Variants in PTPRD observed in about 807,000 individuals in gnomAD.
PTPRD encodes protein tyrosine phosphatase receptor type D, also known as receptor-type tyrosine-protein phosphatase delta.
Under a neutral mutation model 214.5 loss-of-function variants are expected in PTPRD, and 34 were observed. That is an observed-to-expected ratio of 0.16 (90% CI 0.12 to 0.21). The LOEUF (loss-of-function observed/expected upper bound fraction) is 0.21. Ranked by LOEUF, PTPRD falls within the 10% of genes least tolerant of loss-of-function variation. PTPRD has a pLI of 1.00. For missense variants in PTPRD, 2,545 were observed against 2,398.7 expected (o/e 1.06, Z -1.27); for synonymous variants, 1,128 against 845.7 (o/e 1.33, Z -5.79).
At chr9:9,324,734 G>A (rs909771881) in intron 9 of PTPRD, among the ~76,000 whole-genome samples, 1 of 152,074 alleles carries the variant, frequency 6.6e-6, no homozygotes, top group Non-Finnish European at 1.5e-5. Context: ...TGTTGCCATT[G>A]CTTTTGGTGT....
At chr9:10,347,362 T>A (rs954876361) in intron 2 of PTPRD, among the ~76,000 whole-genome samples, 3 of 152,164 alleles carry the variant, frequency 2.0e-5, no homozygotes, top group Non-Finnish European at 4.4e-5. Context: ...ACTAGCATAC[T>A]TTGTATGATT....
intron 2 of PTPRD, among the ~76,000 whole-genome samples, chr9:10,486,637 T>C (rs1373878227): frequency 6.6e-6 from 1 of 152,200 alleles, no homozygotes; most frequent in Non-Finnish European, 1.5e-5. Flanking sequence ...TTTTACTGAT[T>C]TCTAGTTTTA....
intron 2 of PTPRD, among the ~76,000 whole-genome samples, chr9:10,487,603 G>C (rs780332251): frequency 2.6e-5 from 4 of 151,950 alleles, no homozygotes; most frequent in Admixed American, 6.6e-5. Context: ...GACACAGGAA[G>C]AGAAGACCAA....
At chr9:9,689,388 A>G (rs1305967726) in intron 7 of PTPRD, among the ~76,000 whole-genome samples, 1 of 151,934 alleles carries the variant, frequency 6.6e-6, no homozygotes, top group Non-Finnish European at 1.5e-5. Flanking sequence ...TTATTGATAT[A>G]TAAGAGATGC....
chr9:9,268,993 A>AC (rs35697649), intron 9 of PTPRD, among the ~76,000 whole-genome samples: 2 of 150,942 alleles, frequency 1.3e-5, no homozygotes, highest in South Asian at 2.1e-4. Flanking sequence ...CAAAAAAAAA[A>AC]CCAAAAATAA....
intron 8 of PTPRD, among the ~76,000 whole-genome samples, chr9:9,538,489 T>C (rs939257993): frequency 3.3e-5 from 5 of 151,902 alleles, no homozygotes; most frequent in African/African-American, 1.2e-4. Flanking sequence ...ATCAAATCTC[T>C]GTCGTCTTTA....
At chr9:8,576,750 C>A (rs1333982334) in intron 14 of PTPRD, among the ~76,000 whole-genome samples, 1 of 151,962 alleles carries the variant, frequency 6.6e-6, no homozygotes, top group Non-Finnish European at 1.5e-5. Flanking sequence ...TATTCCCTAC[C>A]ACCAAACCTT....
chr9:10,473,581 C>T (rs1317830258), intron 2 of PTPRD, among the ~76,000 whole-genome samples: 1 of 152,032 alleles, frequency 6.6e-6, no homozygotes, highest in Non-Finnish European at 1.5e-5. Context: ...ACTAAATTTA[C>T]TCATTTTGTA....
At chr9:10,595,568 A>T (rs1310508669) in intron 2 of PTPRD, among the ~76,000 whole-genome samples, 1 of 151,662 alleles carries the variant, frequency 6.6e-6, no homozygotes, top group Non-Finnish European at 1.5e-5. Context: ...ACAGATACAG[A>T]GTCACACCTA....
intron 5 of PTPRD, among the ~76,000 whole-genome samples, chr9:9,817,064 C>G (rs2049009600): frequency 6.6e-6 from 1 of 152,112 alleles, no homozygotes; most frequent in East Asian, 1.9e-4. Context: ...AAAATTATCA[C>G]TATCAAATTA....
intron 9 of PTPRD, among the ~76,000 whole-genome samples, chr9:9,375,272 A>C (rs1414571637): frequency 6.6e-6 from 1 of 152,210 alleles, no homozygotes; most frequent in Non-Finnish European, 1.5e-5. Context: ...AATGTTGTGC[A>C]GGTATCCAAC....
chr9:9,859,447 A>C (rs370067110), intron 5 of PTPRD, among the ~76,000 whole-genome samples: 2 of 152,186 alleles, frequency 1.3e-5, no homozygotes, highest in South Asian at 2.1e-4. Flanking sequence ...TTTGTGGGTA[A>C]GGACGGGCAG....
intron 3 of PTPRD, among the ~76,000 whole-genome samples, chr9:10,074,811 A>G (rs1022300822): frequency 2.8e-4 from 42 of 152,150 alleles, no homozygotes; most frequent in African/African-American, 9.6e-4. Flanking sequence ...TATATATAGC[A>G]TCAATCCGAA....
At chr9:9,412,331 T>G (rs1556524) in intron 8 of PTPRD, among the ~76,000 whole-genome samples, 133,410 of 152,076 alleles carry the variant, frequency 0.88, 58,697 homozygotes, top group African/African-American at 0.92. Flanking sequence ...CAAACACCCA[T>G]GCCTACTGAA....
chr9:9,789,701 G>A (rs563556488), intron 5 of PTPRD, among the ~76,000 whole-genome samples: 127 of 148,236 alleles, frequency 8.6e-4, no homozygotes, highest in African/African-American at 3.0e-3. Flanking sequence ...GGAGGCTGAG[G>A]AAGGAGAATG....
At chr9:10,167,759 A>G (rs955881995) in intron 3 of PTPRD, among the ~76,000 whole-genome samples, 1 of 152,168 alleles carries the variant, frequency 6.6e-6, no homozygotes, top group African/African-American at 2.4e-5. Flanking sequence ...GTAAGAGTTG[A>G]TACTGTGTGA....
In PTPRD at chr9:9,889,915, T is replaced by C. The variant is rs576243913; in HGVS notation, c.-368+48592A>G. Among the ~76,000 whole-genome samples, 11 of 152,116 alleles carry C rather than the reference T, an allele frequency of 7.2e-5. No individual in the cohort carries two copies. In the South Asian group the frequency reaches 2.3e-3, roughly 32 times the overall value. ...GCCAGCAGTACATGGTACTTCCCTG[T>C]AGGCACTTTCCTGAAGAACGGCAGA... On this transcript the variant is annotated intron_variant, in intron 5 of 45. Coordinates refer to ENST00000381196, the MANE Select transcript of PTPRD (RefSeq NM_002839.4).
At chr9:9,878,999 T>C (rs2067765350) in intron 5 of PTPRD, among the ~76,000 whole-genome samples, 2 of 152,196 alleles carry the variant, frequency 1.3e-5, no homozygotes, top group African/African-American at 4.8e-5. Context: ...TTTGTTACTC[T>C]ATGTGCCCTC....
intron 3 of PTPRD, among the ~76,000 whole-genome samples, chr9:10,242,393 C>T (rs1011729287): frequency 6.6e-5 from 10 of 152,036 alleles, no homozygotes; most frequent in Admixed American, 2.0e-4. Flanking sequence ...AATAGGGCAG[C>T]GCCAAAACTC....
Sources: gnomAD v4.1 joint callset for allele counts (sites outside exome capture counted in the v4.1 genomes callset) on GRCh38, gnomAD v4.1.1 for gene constraint, MANE v1.5 for transcripts, NCBI Gene and HGNC (gene_info 2026-07-23, HGNC 2026-07-21) for gene names.